The following TRANK1 variants were observed in gnomAD, a reference collection of about 807,000 sequenced individuals.
TRANK1 encodes tetratricopeptide repeat and ankyrin repeat containing 1.
Under a neutral mutation model 266.0 loss-of-function variants are expected in TRANK1, and 198 were observed. The observed-to-expected ratio is 0.74, with a 90% CI of 0.66 to 0.84. TRANK1 has a LOEUF of 0.84. TRANK1 is among the 40% of genes least tolerant of loss of function. The pLI, the probability that TRANK1 is intolerant of heterozygous loss-of-function variation, is 0.00. For missense variants in TRANK1, 3,326 were observed against 3,634.6 expected (o/e 0.92, Z 2.18); for synonymous variants, 1,396 against 1,384.1 (o/e 1.01, Z -0.19).
chr3:36,880,331 G>A, intron 8 of TRANK1: 1 of 400,450 alleles, frequency 2.5e-6, no homozygotes, highest in Non-Finnish European at 5.3e-6. Context: ...ATTCTCCACT[G>A]CTGTCTGTGG....
intron 1 of TRANK1, among the ~76,000 whole-genome samples, chr3:36,922,966 T>C (rs2080236661): frequency 6.6e-6 from 1 of 152,082 alleles, no homozygotes. Context: ...TATAAGTCTG[T>C]CTTTCTTCAT....
Position 36,856,765 on chromosome 3 carries a change from A to G in TRANK1, c.2957T>C (p.Met986Thr), listed in dbSNP as rs761048687. Residue 986 changes from methionine to threonine, a missense_variant, in exon 13 of 24, where the codon ATG becomes ACG. Coordinates refer to ENST00000645898, the MANE Select transcript of TRANK1 (RefSeq NM_001329998.2). ...GCGAGGTATACGCTTTTGAATTTTC[A>G]TGTTAGCTGACACTTGGCCTTTATT... Reference protein sequence around the residue: ...GINKGQVSANMKIQKRIPRCY... With the variant: ...GINKGQVSANTKIQKRIPRCY... 8.7e-6 allele frequency: 14 copies of G among 1,613,820 alleles called. No homozygotes were observed. Among genetic ancestry groups the G allele is most frequent in the Non-Finnish European group, 1.1e-5 (13 of 1,179,886 alleles).
chr3:36,850,337 G>T lies in TRANK1; in HGVS notation c.4887+1382C>A, dbSNP rs555275790. ...AGCAATGATACACTAATTGTGGAAG[G>T]TTCTGGAATTCAATTCGCATGCGAG... On this transcript the variant is annotated intron_variant, in intron 15 of 23. Transcript: ENST00000645898. 4.1e-6 allele frequency: 4 copies of T among 985,416 alleles called. No homozygotes were observed. The East Asian group carries it at 4.5e-4, about 112-fold the overall frequency. 61.0% of individuals were successfully genotyped at this position (985,416 alleles called of 1,614,324 possible).
chr3:36,889,218 A>G (rs2079651455), intron 8 of TRANK1, among the ~76,000 whole-genome samples: 2 of 152,162 alleles, frequency 1.3e-5, no homozygotes, highest in Non-Finnish European at 1.5e-5. Flanking sequence ...TATCCCAAAC[A>G]GAAAGCAAAA....
intron 7 of TRANK1, among the ~76,000 whole-genome samples, chr3:36,891,370 A>G (rs2079693086): frequency 1.3e-5 from 2 of 152,104 alleles, no homozygotes. Context: ...TAAATTCCCC[A>G]CTATATGAAA....
Position 36,833,322 on chromosome 3 carries a change from G to GC in TRANK1, c.6260dup (p.Glu2089GlyfsTer18). The stretch of plus-strand genomic sequence containing the variant: ...TGACCAGACTGAGGAGGATTTCCAA[G>GC]CCCCCTGGAGCCAGGCCCAGAATCT... On this transcript the variant is annotated frameshift_variant, in exon 22 of 24. Transcript: ENST00000645898. LOFTEE classifies it high-confidence loss of function. 2 of 1,613,928 alleles carry GC rather than the reference G, an allele frequency of 1.2e-6. No individual in the cohort carries two copies. The highest frequency in any genetic ancestry group is 1.7e-6 in the Non-Finnish European group (2 of 1,179,870).
chr3:36,912,627 A>G (rs1222410019), intron 1 of TRANK1, among the ~76,000 whole-genome samples: 1 of 152,190 alleles, frequency 6.6e-6, no homozygotes, highest in Non-Finnish European at 1.5e-5. Flanking sequence ...AAAAATGCAA[A>G]TGCACTGAGT....
chr3:36,892,380 C>T, intron 6 of TRANK1, 40 bp from the exon 7 acceptor site: 3 of 1,535,080 alleles, frequency 2.0e-6, no homozygotes, highest in Non-Finnish European at 2.6e-6. Flanking sequence ...ATGGAAGTCA[C>T]TAATCAATAT....
In TRANK1 at chr3:36,829,745, C is replaced by T. The variant is rs948987966; in HGVS notation, c.8711-83G>A. ...CCAATTACTAGACCCAGAGTCCCCA[C>T]ATCCCAAGAGCTGGTCTCTATGTTT... On this transcript the variant is annotated intron_variant, in intron 22 of 23. Coordinates refer to ENST00000645898, the MANE Select transcript of TRANK1 (RefSeq NM_001329998.2). 23 of 1,417,326 alleles carry T rather than the reference C, an allele frequency of 1.6e-5. No individual in the cohort carries two copies. In the Admixed American group the frequency reaches 2.4e-4, roughly 15 times the overall value. 87.8% of individuals were successfully genotyped at this position (1,417,326 alleles called of 1,614,324 possible).
chr3:36,849,193 G>A (rs1435055122), intron 15 of TRANK1, among the ~76,000 whole-genome samples: 1 of 152,150 alleles, frequency 6.6e-6, no homozygotes, highest in Non-Finnish European at 1.5e-5. Flanking sequence ...AACCCATAAA[G>A]GTTGTAGTTT....
rs781757034 is a variant in TRANK1, at chr3:36,831,043, G to A, written c.8540C>T (p.Pro2847Leu). The A allele has an allele frequency of 2.1e-5, 34 of 1,613,858 alleles. No individual in the cohort carries two copies. Among genetic ancestry groups the A allele is most frequent in the Non-Finnish European group, 2.5e-5 (30 of 1,179,906 alleles). Residue 2847 changes from proline (P) to leucine (L), a missense_variant, in exon 22 of 24, where the codon CCG becomes CTG. Physicochemically the swap from Pro to Leu is moderately conservative, Grantham distance 98. Coordinates refer to ENST00000645898, the MANE Select transcript of TRANK1 (RefSeq NM_001329998.2). This position sits in a 1 kb window ranked among gnomAD's most constrained non-coding sequence, Gnocchi z 5.0. ...YSEFFHEKVD[P>L]AIDEGKLVVQ... ...CACCAGCTTGCCTTCATCAATGGCC[G>A]GGTCCACCTTCTCGTGGAAAAATTC...
At chr3:36,862,703 C>T (rs1227830773) in intron 10 of TRANK1, among the ~76,000 whole-genome samples, 1 of 152,176 alleles carries the variant, frequency 6.6e-6, no homozygotes, top group Non-Finnish European at 1.5e-5. Context: ...AAGAGAGAGA[C>T]AGACGGGTCC....
At chr3:36,872,201 G>T (rs931836266) in intron 9 of TRANK1, among the ~76,000 whole-genome samples, 12 of 152,178 alleles carry the variant, frequency 7.9e-5, no homozygotes, top group African/African-American at 2.4e-4. Context: ...AGGAGTTCGA[G>T]ATCAGCCTGG....
At chr3:36,900,967 T>C (rs533458504) in intron 3 of TRANK1, among the ~76,000 whole-genome samples, 1 of 152,058 alleles carries the variant, frequency 6.6e-6, no homozygotes, top group Admixed American at 6.6e-5. Context: ...AATGATTTGT[T>C]TTAACTTTCA....
rs979040984 is a variant in TRANK1, at chr3:36,870,246, A to C, written c.1078+3880T>G. Among the ~76,000 whole-genome samples, 5 of 152,334 alleles carry C rather than the reference A, an allele frequency of 3.3e-5. No individual in the cohort carries two copies. In the East Asian group the frequency reaches 5.8e-4, roughly 18 times the overall value. On this transcript the variant is annotated intron_variant, in intron 9 of 23. Coordinates refer to ENST00000645898, the MANE Select transcript of TRANK1 (RefSeq NM_001329998.2). Reference sequence around the variant, plus strand: ...AACAGAGTGAAACCCCATCTCTACAAAAAATACAAAATTAGCCGGGCATGG... The same window carrying C: ...AACAGAGTGAAACCCCATCTCTACACAAAATACAAAATTAGCCGGGCATGG...
intron 21 of TRANK1, 45 bp from the exon 22 acceptor site, chr3:36,833,964 C>G: frequency 2.6e-6 from 4 of 1,531,352 alleles, no homozygotes; most frequent in Non-Finnish European, 2.6e-6. Flanking sequence ...ATCACCCAAT[C>G]AATAGAAAAT....
At chr3:36,908,036 A>C (rs2125631750) in intron 2 of TRANK1, among the ~76,000 whole-genome samples, 1 of 152,320 alleles carries the variant, frequency 6.6e-6, no homozygotes, top group Admixed American at 6.5e-5. Context: ...AATGACAACG[A>C]AGAGGTTTGT....
intron 1 of TRANK1, among the ~76,000 whole-genome samples, chr3:36,926,240 A>G (rs941032448): frequency 6.6e-6 from 1 of 151,986 alleles, no homozygotes; most frequent in Non-Finnish European, 1.5e-5. Flanking sequence ...TTCGTCTATC[A>G]TGGCTAACTA....
At chr3:36,850,083 C>G in intron 15 of TRANK1, 2 of 985,430 alleles carry the variant, frequency 2.0e-6, no homozygotes, top group Non-Finnish European at 2.4e-6. Flanking sequence ...AAGTCCAGAG[C>G]TCCTTGAGCT....
Sources: gnomAD v4.1 joint callset for allele counts (sites outside exome capture counted in the v4.1 genomes callset) on GRCh38, gnomAD v4.1.1 for gene constraint, Gnocchi (gnomAD v3.1) non-coding constraint, MANE v1.5 for transcripts, NCBI Gene and HGNC (gene_info 2026-07-23, HGNC 2026-07-21) for gene names.